RAPGEF5: variants seen among roughly 807,000 people sequenced by gnomAD.
The protein encoded by RAPGEF5 is Rap guanine nucleotide exchange factor 5.
In RAPGEF5, 65 loss-of-function variants were observed where a neutral mutation model predicts 125.2. That is an observed-to-expected ratio of 0.52 (90% CI 0.43 to 0.64). The LOEUF (loss-of-function observed/expected upper bound fraction) is 0.64. RAPGEF5 is among the 30% of genes least tolerant of loss of function. The pLI is 0.00. For missense variants in RAPGEF5, 958 were observed against 1,048.1 expected (o/e 0.91, Z 1.19); for synonymous variants, 391 against 385.9 (o/e 1.01, Z -0.16).
At chr7:22,192,485 T>G (rs1351210390) in intron 11 of RAPGEF5, 1 of 152,346 alleles carries the variant, frequency 6.6e-6, no homozygotes, top group South Asian at 2.1e-4. Flanking sequence ...CCTTCTTGCA[T>G]GGTAAAAACC....
chr7:22,134,316 A>G (rs765014821), intron 23 of RAPGEF5, among the ~76,000 whole-genome samples: 7 of 152,254 alleles, frequency 4.6e-5, no homozygotes, highest in Non-Finnish European at 8.8e-5. Flanking sequence ...AAGGAAAACT[A>G]AGTGCTTATT....
At chr7:22,146,031 A>G (rs1249807444) in intron 19 of RAPGEF5, among the ~76,000 whole-genome samples, 2 of 152,036 alleles carry the variant, frequency 1.3e-5, no homozygotes, top group Admixed American at 6.6e-5. Flanking sequence ...CTTCCACTGC[A>G]TAAGCAGGGA....
At position 22,258,679 on chromosome 7, in the gene RAPGEF5, T is replaced by C. The variant is rs113587476; in HGVS notation, c.796+8285A>G. ...AGACAAATAGATCAATGGAACAGAATAGAGAGCCCATAAATAGACCCAAAT... is the reference window on the plus strand; with the variant it reads ...AGACAAATAGATCAATGGAACAGAACAGAGAGCCCATAAATAGACCCAAAT... On this transcript the variant is annotated intron_variant, in intron 7 of 25. Transcript: ENST00000665637. Among the ~76,000 whole-genome samples, 383 of 105,852 alleles carry C rather than the reference T, an allele frequency of 3.6e-3. 3 individuals are homozygous for C. The highest frequency in any genetic ancestry group is 0.013 in the Admixed American group (147 of 11,410). 69.4% of individuals were successfully genotyped at this position (105,852 alleles called of 152,430 possible).
At chr7:22,268,396 A>T (rs760450147) in intron 6 of RAPGEF5, among the ~76,000 whole-genome samples, 2 of 152,368 alleles carry the variant, frequency 1.3e-5, no homozygotes, top group African/African-American at 4.8e-5. Context: ...AATGACCACA[A>T]GAAAACCTTC....
At chr7:22,147,496 C>T (rs944985707) in intron 18 of RAPGEF5, among the ~76,000 whole-genome samples, 1 of 152,196 alleles carries the variant, frequency 6.6e-6, no homozygotes, top group Admixed American at 6.5e-5. Flanking sequence ...CACACATTTA[C>T]ACATTTTATT....
At chr7:22,140,439 C>A (rs1488923475) in intron 20 of RAPGEF5, among the ~76,000 whole-genome samples, 1 of 152,106 alleles carries the variant, frequency 6.6e-6, no homozygotes, top group Non-Finnish European at 1.5e-5. Flanking sequence ...TTTATATACG[C>A]CCCACTCTCC....
At chr7:22,315,105 G>A (rs932132836) in intron 3 of RAPGEF5, among the ~76,000 whole-genome samples, 5 of 152,136 alleles carry the variant, frequency 3.3e-5, no homozygotes, top group African/African-American at 1.2e-4. Context: ...ACATCTCAGA[G>A]GAAGCAGAGC....
intron 8 of RAPGEF5, among the ~76,000 whole-genome samples, chr7:22,226,558 G>T (rs1488697341): frequency 6.6e-6 from 1 of 152,160 alleles, no homozygotes; most frequent in Non-Finnish European, 1.5e-5. Flanking sequence ...CCCTGTTAGG[G>T]ATAGAAGAAT....
At position 22,140,038 on chromosome 7, in the gene RAPGEF5, G is replaced by A. The variant is rs1163112935; in HGVS notation, c.2264C>T (p.Ser755Leu). Residue 755 changes from serine to leucine, a missense_variant, in exon 21 of 26, where the codon TCG becomes TTG. Physicochemically the swap from Ser to Leu is moderately radical, Grantham distance 145. Transcript: ENST00000665637. ...TCCAAGGCTCACCTCCCAGGTCTGCGACAGTCGACTGACAGAAGCAGTGTT... is the reference window on the plus strand; with the variant it reads ...TCCAAGGCTCACCTCCCAGGTCTGCAACAGTCGACTGACAGAAGCAGTGTT... ...GLNTASVSRLSQTWEKIPGKF... is the reference protein window; with the variant it reads ...GLNTASVSRLLQTWEKIPGKF... The A allele has an allele frequency of 3.2e-6, 5 of 1,565,954 alleles. No homozygotes were observed. Among genetic ancestry groups the A allele is most frequent in the African/African-American group, 2.7e-5 (2 of 73,588 alleles).
intron 6 of RAPGEF5, among the ~76,000 whole-genome samples, chr7:22,273,747 G>C (rs1334449047): frequency 6.6e-6 from 1 of 152,162 alleles, no homozygotes. Context: ...TCTGATAGTT[G>C]AGTACAAGCA....
chr7:22,193,988 T>C lies in RAPGEF5; in HGVS notation c.1042A>G (p.Ser348Gly). Reference protein sequence around the residue: ...TTVQVKEQDQSVLVLKKVQCC... With the variant: ...TTVQVKEQDQGVLVLKKVQCC... ...TGCACTTTCTTCAGCACCAGGACGC[T>C]CTGGTCTTGCTCTTTAACCTGAACA... The change falls in exon 10 of 26, where the codon AGC (serine) becomes GGC (glycine). Residue 348 changes from serine (S) to glycine (G), a missense_variant. By Grantham distance (56) the Ser-to-Gly change is moderately conservative. Transcript: ENST00000665637. 1.9e-6 allele frequency: 3 copies of C among 1,613,944 alleles called. No homozygotes were observed. Among genetic ancestry groups the C allele is most frequent in the Non-Finnish European group, 2.5e-6 (3 of 1,179,866 alleles).
intron 11 of RAPGEF5, among the ~76,000 whole-genome samples, chr7:22,168,497 G>A (rs1447235765): frequency 2.0e-5 from 3 of 152,130 alleles, no homozygotes; most frequent in Non-Finnish European, 2.9e-5. Context: ...ACACTCAATA[G>A]TGCTTATGGT....
chr7:22,133,524 C>A (rs927124686), intron 23 of RAPGEF5, among the ~76,000 whole-genome samples: 4 of 152,148 alleles, frequency 2.6e-5, no homozygotes, highest in African/African-American at 4.8e-5. Flanking sequence ...AATAGAACTG[C>A]TCAATGAAAT....
At chr7:22,296,456 G>A (rs1783063058) in intron 5 of RAPGEF5, among the ~76,000 whole-genome samples, 1 of 152,154 alleles carries the variant, frequency 6.6e-6, no homozygotes, top group South Asian at 2.1e-4. Flanking sequence ...GTAAGGCAGG[G>A]TAAACAGGCT....
chr7:22,193,182 G>T, intron 11 of RAPGEF5, 185 bp downstream of exon 11: 1 of 630,336 alleles, frequency 1.6e-6, no homozygotes, highest in Non-Finnish European at 2.7e-6. Flanking sequence ...GAGCTGCTTG[G>T]GATCTACATG....
chr7:22,178,882 G>C (rs1396541935), intron 11 of RAPGEF5, among the ~76,000 whole-genome samples: 5 of 152,098 alleles, frequency 3.3e-5, no homozygotes, highest in Non-Finnish European at 7.4e-5. Flanking sequence ...GTCATGCCTT[G>C]TCTTTCTGGC....
intron 7 of RAPGEF5, among the ~76,000 whole-genome samples, chr7:22,245,606 G>C (rs1786456034): frequency 6.6e-6 from 1 of 151,910 alleles, no homozygotes; most frequent in African/African-American, 2.4e-5. Context: ...AAGGCACTAA[G>C]CCATATTTCC....
intron 9 of RAPGEF5, among the ~76,000 whole-genome samples, chr7:22,206,346 T>A (rs936710562): frequency 1.3e-5 from 2 of 152,190 alleles, no homozygotes; most frequent in Non-Finnish European, 2.9e-5. Flanking sequence ...GAAGAAAAAT[T>A]ATGCATGTGA....
intron 1 of RAPGEF5, 99 bp from the exon 2 acceptor site, chr7:22,318,136 A>AT: frequency 2.0e-4 from 214 of 1,056,638 alleles, no homozygotes; most frequent in Middle Eastern, 3.2e-4. Flanking sequence ...GGCCTCTGCT[A>AT]TGAAAAAAAA....
Sources: allele counts gnomAD v4.1 joint callset (sites outside exome capture counted in the v4.1 genomes callset), GRCh38; gene constraint gnomAD v4.1.1; transcripts MANE v1.5; gene names NCBI Gene and HGNC (gene_info 2026-07-23, HGNC 2026-07-21).